Variants in ADAM29 observed in about 807,000 individuals in gnomAD.
ADAM29 encodes the protein ADAM metallopeptidase domain 29.
For missense variants in ADAM29, 969 were observed against 1,001.8 expected, an observed-to-expected ratio of 0.97 and a Z score of 0.44; for synonymous variants, 367 against 342.3, an observed-to-expected ratio of 1.07 and a Z score of -0.80.
intron 4 of ADAM29, among the ~76,000 whole-genome samples, chr4:174,947,298 G>T (rs576656942): frequency 6.6e-6 from 1 of 152,058 alleles, no homozygotes; most frequent in Admixed American, 6.5e-5. Context: ...TAGCTTTGGG[G>T]TTGGTTTGCT....
At chr4:174,948,720 T>C (rs1287978890) in intron 4 of ADAM29, among the ~76,000 whole-genome samples, 1 of 151,898 alleles carries the variant, frequency 6.6e-6, no homozygotes, top group African/African-American at 2.4e-5. Flanking sequence ...GGGGGTAGGG[T>C]TGTCAGCCTC....
At chr4:174,972,716 G>A (rs1746540124) in intron 4 of ADAM29, among the ~76,000 whole-genome samples, 3 of 152,096 alleles carry the variant, frequency 2.0e-5, no homozygotes, top group Admixed American at 6.5e-5. Context: ...TTCTTCCCTG[G>A]TGGCTAGACT....
intron 2 of ADAM29, among the ~76,000 whole-genome samples, chr4:174,929,165 A>G (rs956921236): frequency 1.2e-4 from 18 of 152,036 alleles, no homozygotes; most frequent in African/African-American, 4.3e-4. Flanking sequence ...TGTTTTCCTG[A>G]CAGTTTCCTT....
chr4:174,949,096 C>T (rs1261337643), intron 4 of ADAM29, among the ~76,000 whole-genome samples: 2 of 152,072 alleles, frequency 1.3e-5, no homozygotes, highest in Non-Finnish European at 2.9e-5. Flanking sequence ...AACGTGAGCC[C>T]CCAGGAACTG....
rs767654831 is a variant in ADAM29, at chr4:174,976,666, A to C, written c.1141A>C (p.Arg381=). The C allele has an allele frequency of 6.2e-6, 10 of 1,613,832 alleles. No individual in the cohort carries two copies. The South Asian group carries it at 8.8e-5, about 14-fold the overall frequency. Residue 381 remains arginine, a synonymous_variant, in exon 5 of 5, where the codon AGG becomes CGG. Coordinates refer to ENST00000359240, the MANE Select transcript of ADAM29 (RefSeq NM_014269.4). ...TGATTTTTGGGAATATACTGTAGAG[A>C]GGACAAAGTGTTTGCTTGAAACAGT... ...YGDFWEYTVE[R]TKCLLETVHT...
intron 4 of ADAM29, among the ~76,000 whole-genome samples, chr4:174,966,780 A>G (rs201358207): frequency 6.6e-6 from 1 of 152,270 alleles, no homozygotes; most frequent in East Asian, 1.9e-4. Flanking sequence ...AGGCATCCCC[A>G]ATGATCTCTG....
intron 4 of ADAM29, among the ~76,000 whole-genome samples, chr4:174,942,715 G>C (rs1372042324): frequency 6.6e-6 from 1 of 152,148 alleles, no homozygotes; most frequent in Non-Finnish European, 1.5e-5. Flanking sequence ...ATGCCCTGGA[G>C]ACATTTTCCC....
intron 4 of ADAM29, among the ~76,000 whole-genome samples, chr4:174,973,918 G>C (rs1347946814): frequency 6.6e-6 from 1 of 152,154 alleles, no homozygotes; most frequent in Non-Finnish European, 1.5e-5. Flanking sequence ...GCTCATTCAG[G>C]CTGCATTTCA....
Position 174,977,641 on chromosome 4 carries a change from A to C in ADAM29, c.2116A>C (p.Lys706Gln). 6.2e-7 allele frequency: 1 copy of C among 1,614,142 alleles called. No individual in the cohort carries two copies. Among genetic ancestry groups the C allele is most frequent in the East Asian group, 2.2e-5 (1 of 44,886 alleles). ...RLCKKSKPIK[K>Q]QQDVQTPSAK... is the part of the protein sequence containing the mutation. ...TTGTAAAAAAAGTAAACCAATAAAA[A>C]AGCAGCAAGATGTTCAAACTCCATC... The change falls in exon 5 of 5, where the codon AAG (lysine) becomes CAG (glutamine). Residue 706 changes from lysine (K) to glutamine (Q), a missense_variant. Lys to Gln is a moderately conservative substitution (Grantham distance 53, BLOSUM62 1). Coordinates refer to ENST00000359240, the MANE Select transcript of ADAM29 (RefSeq NM_014269.4).
At chr4:174,973,239 G>T (rs1455030285) in intron 4 of ADAM29, among the ~76,000 whole-genome samples, 2 of 152,172 alleles carry the variant, frequency 1.3e-5, no homozygotes, top group Admixed American at 6.5e-5. Context: ...CGTAATTCGT[G>T]TATAAAGCCC....
intron 2 of ADAM29, among the ~76,000 whole-genome samples, chr4:174,927,389 A>T (rs1743581513): frequency 2.0e-5 from 3 of 152,230 alleles, no homozygotes; most frequent in Admixed American, 2.0e-4. Context: ...CACCAAACTA[A>T]TATAAAACAA....
At position 174,977,447 on chromosome 4, in the gene ADAM29, A is replaced by G. The variant is rs761836998; in HGVS notation, c.1922A>G (p.His641Arg). The stretch of plus-strand genomic sequence containing the variant: ...AGGGGCATCTGCAACAATAAACATC[A>G]CTGCCATTGCAATTATCTGTGGGAC... Reference protein sequence around the residue: ...NKRGICNNKHHCHCNYLWDPP... With the variant: ...NKRGICNNKHRCHCNYLWDPP... Residue 641 changes from histidine (H) to arginine (R), a missense_variant, in exon 5 of 5, where the codon CAC becomes CGC. Physicochemically the swap from His to Arg is conservative, Grantham distance 29. Coordinates refer to ENST00000359240, the MANE Select transcript of ADAM29 (RefSeq NM_014269.4). 6.2e-7 allele frequency: 1 copy of G among 1,613,730 alleles called. No individual in the cohort carries two copies. Among genetic ancestry groups the G allele is most frequent in the Non-Finnish European group, 8.5e-7 (1 of 1,179,906 alleles).
chr4:174,966,327 A>C (rs1746156715), intron 4 of ADAM29, among the ~76,000 whole-genome samples: 1 of 152,172 alleles, frequency 6.6e-6, no homozygotes, highest in Non-Finnish European at 1.5e-5. Context: ...GCCTTAATTC[A>C]TTTCAGCATC....
In ADAM29 at chr4:174,976,633, A is replaced by G; in HGVS notation, c.1108A>G (p.Ser370Gly). 2 of 1,612,930 alleles carry G rather than the reference A, an allele frequency of 1.2e-6. No individual in the cohort carries two copies. Among genetic ancestry groups the G allele is most frequent in the Non-Finnish European group, 1.7e-6 (2 of 1,179,452 alleles). ...NPPITKFSNC[S>G]YGDFWEYTVE... ...ACCAATAACTAAATTTAGCAATTGT[A>G]GTTATGGTGATTTTTGGGAATATAC... The change falls in exon 5 of 5, where the codon AGT becomes GGT. Residue 370 changes from serine to glycine, a missense_variant. Ser to Gly is a moderately conservative substitution (Grantham distance 56). Transcript: ENST00000359240.
At chr4:174,918,729 G>A (rs1441447818) in intron 1 of ADAM29, among the ~76,000 whole-genome samples, 1 of 151,270 alleles carries the variant, frequency 6.6e-6, no homozygotes, top group African/African-American at 2.4e-5. Flanking sequence ...ACTATTCCTT[G>A]TAGTACTTCT....
At chr4:174,961,360 T>G (rs1411983095) in intron 4 of ADAM29, among the ~76,000 whole-genome samples, 1 of 151,586 alleles carries the variant, frequency 6.6e-6, no homozygotes, top group East Asian at 1.9e-4. Flanking sequence ...ATGAGAGTTC[T>G]CTTATATTTC....
intron 4 of ADAM29, among the ~76,000 whole-genome samples, chr4:174,969,040 A>T (rs1166981199): frequency 6.6e-6 from 1 of 152,086 alleles, no homozygotes; most frequent in African/African-American, 2.4e-5. Flanking sequence ...CACCCTAGAA[A>T]ATTCAACGTT....
chr4:174,962,054 A>G (rs1248112613), intron 4 of ADAM29, among the ~76,000 whole-genome samples: 3 of 152,240 alleles, frequency 2.0e-5, no homozygotes, highest in Non-Finnish European at 4.4e-5. Flanking sequence ...GAAAGAAAAT[A>G]AAAATAATAA....
At chr4:174,962,397 A>T (rs1745883364) in intron 4 of ADAM29, among the ~76,000 whole-genome samples, 1 of 151,896 alleles carries the variant, frequency 6.6e-6, no homozygotes, top group South Asian at 2.1e-4. Flanking sequence ...CTGTAGTCCC[A>T]GCTACTCGGG....
Sources: allele counts gnomAD v4.1 joint callset (sites outside exome capture counted in the v4.1 genomes callset), GRCh38; gene constraint gnomAD v4.1.1; transcripts MANE v1.5; gene names NCBI Gene and HGNC (gene_info 2026-07-23, HGNC 2026-07-21).